Variants in EPHA6 observed in about 807,000 individuals in gnomAD.
EPHA6 encodes ephrin type-A receptor 6.
In EPHA6, 50 loss-of-function variants were observed where a neutral mutation model predicts 112.0. The observed-to-expected ratio is 0.45, with a 90% CI of 0.36 to 0.56. EPHA6 has a LOEUF of 0.56. Ranked by LOEUF, EPHA6 falls within the 20% of genes least tolerant of loss-of-function variation. EPHA6 has a pLI of 0.00. For missense variants in EPHA6, 1,280 were observed against 1,417.4 expected (o/e 0.90, Z 1.56); for synonymous variants, 529 against 490.7 (o/e 1.08, Z -1.03).
chr3:96,878,594 G>A (rs1472529382), intron 2 of EPHA6, among the ~76,000 whole-genome samples: 1 of 151,928 alleles, frequency 6.6e-6, no homozygotes, highest in Non-Finnish European at 1.5e-5. Flanking sequence ...TTGAATATTT[G>A]AATGTAATAT....
chr3:97,720,330 G>A lies in EPHA6; in HGVS notation c.2854G>A (p.Asp952Asn). The A allele has an allele frequency of 2.5e-6, 4 of 1,610,784 alleles. No homozygotes were observed. The highest frequency in any genetic ancestry group is 2.5e-6 in the Non-Finnish European group (3 of 1,178,662). The stretch of plus-strand genomic sequence containing the variant: ...CTACAGAAAATTCTCCTCAGCAAGC[G>A]ATGCATGGAGCTATGGCATTGTCAT... ...IAYRKFSSAS[D>N]AWSYGIVMWE... is the part of the protein sequence containing the mutation. The change falls in exon 15 of 18, where the codon GAT becomes AAT. Residue 952 changes from aspartate (D) to asparagine (N), a missense_variant. Asp to Asn is a conservative substitution (Grantham distance 23). Around this residue, in one of 4 missense-constraint regions of EPHA6, gnomAD observed 37 missense variants for 92.9 expected, o/e 0.40. Coordinates refer to ENST00000389672, the MANE Select transcript of EPHA6 (RefSeq NM_001080448.3).
chr3:97,259,898 T>C (rs1352370114), intron 5 of EPHA6, among the ~76,000 whole-genome samples: 1 of 151,880 alleles, frequency 6.6e-6, no homozygotes, highest in East Asian at 1.9e-4. Flanking sequence ...CCTCCTGGGT[T>C]CAAGCGATTC....
chr3:97,194,277 T>A (rs1034431321), intron 3 of EPHA6, among the ~76,000 whole-genome samples: 3 of 151,736 alleles, frequency 2.0e-5, no homozygotes, highest in Admixed American at 2.0e-4. Context: ...TTCATTTTCA[T>A]TTTTTTTCAA....
chr3:96,940,350 T>C (rs994157761), intron 2 of EPHA6, among the ~76,000 whole-genome samples: 1 of 152,228 alleles, frequency 6.6e-6, no homozygotes, highest in Non-Finnish European at 1.5e-5. Flanking sequence ...TACCATTATG[T>C]AATGGCCTTA....
intron 2 of EPHA6, among the ~76,000 whole-genome samples, chr3:96,983,384 A>T (rs962732655): frequency 1.4e-4 from 21 of 151,980 alleles, no homozygotes; most frequent in African/African-American, 4.8e-4. Context: ...ATTGGCCCCC[A>T]CTCTCTTCTG....
At chr3:96,901,688 G>A (rs1352931990) in intron 2 of EPHA6, among the ~76,000 whole-genome samples, 1 of 152,112 alleles carries the variant, frequency 6.6e-6, no homozygotes, top group Non-Finnish European at 1.5e-5. Flanking sequence ...AGAGGGATGT[G>A]TAACAAAATT....
chr3:97,315,268 T>G (rs2081767720), intron 5 of EPHA6, among the ~76,000 whole-genome samples: 1 of 151,680 alleles, frequency 6.6e-6, no homozygotes, highest in African/African-American at 2.4e-5. Flanking sequence ...TTTTACAGTT[T>G]AAAATTAGGG....
intron 2 of EPHA6, among the ~76,000 whole-genome samples, chr3:96,921,392 A>G (rs1189666493): frequency 3.9e-5 from 6 of 152,130 alleles, no homozygotes; most frequent in Non-Finnish European, 1.5e-5. Context: ...AAACATAAAC[A>G]TTTAAATCAT....
chr3:97,628,176 T>G (rs1372806642), intron 13 of EPHA6, among the ~76,000 whole-genome samples: 2 of 152,024 alleles, frequency 1.3e-5, no homozygotes, highest in Non-Finnish European at 2.9e-5. Context: ...TAAGAGATAA[T>G]GATGCTCTAA....
chr3:97,199,412 A>G (rs1174533265), intron 3 of EPHA6, among the ~76,000 whole-genome samples: 1 of 152,122 alleles, frequency 6.6e-6, no homozygotes, highest in Non-Finnish European at 1.5e-5. Context: ...GCACTGGAGA[A>G]CTACCCCCTA....
chr3:97,555,177 G>A (rs1279443217), intron 11 of EPHA6, among the ~76,000 whole-genome samples: 19 of 151,270 alleles, frequency 1.3e-4, no homozygotes, highest in East Asian at 9.8e-4. Flanking sequence ...GAGAACATGC[G>A]GTGTTTGGTT....
chr3:97,424,389 C>A (rs138089810), intron 6 of EPHA6, among the ~76,000 whole-genome samples: 34 of 152,236 alleles, frequency 2.2e-4, no homozygotes, highest in African/African-American at 7.5e-4. Context: ...ATCAATCATG[C>A]CTTCCCTACA....
At chr3:96,908,343 GC>G (rs1400204157) in intron 2 of EPHA6, among the ~76,000 whole-genome samples, 1 of 151,880 alleles carries the variant, frequency 6.6e-6, no homozygotes, top group Non-Finnish European at 1.5e-5. Context: ...TAGGAATAAA[GC>G]TGAATAACCA....
Position 97,480,960 on chromosome 3 carries a change from C to T in EPHA6, c.2074+1596C>T, listed in dbSNP as rs898399483. Among the ~76,000 whole-genome samples, 6 of 151,804 alleles carry T rather than the reference C, an allele frequency of 4.0e-5. No homozygotes were observed. The East Asian group carries it at 7.8e-4, about 20-fold the overall frequency. ...GCTCCTCACTTCCTAGACGGGATGGCGGCCGGGAAGAGGCGCTCCTCACTT... is the reference window on the plus strand; with the variant it reads ...GCTCCTCACTTCCTAGACGGGATGGTGGCCGGGAAGAGGCGCTCCTCACTT... On this transcript the variant is annotated intron_variant, in intron 9 of 17. Transcript: ENST00000389672.
chr3:97,336,668 A>G (rs1434261447), intron 5 of EPHA6, among the ~76,000 whole-genome samples: 3 of 152,132 alleles, frequency 2.0e-5, no homozygotes, highest in Non-Finnish European at 4.4e-5. Flanking sequence ...TGCTTACGAA[A>G]GTTTTATTTT....
At chr3:97,545,240 G>A (rs1287464555) in intron 11 of EPHA6, among the ~76,000 whole-genome samples, 1 of 151,956 alleles carries the variant, frequency 6.6e-6, no homozygotes, top group Non-Finnish European at 1.5e-5. Context: ...CTTTGAATGT[G>A]TCCCAGAGAT....
At chr3:97,656,751 T>A (rs959466546) in intron 14 of EPHA6, among the ~76,000 whole-genome samples, 1 of 151,848 alleles carries the variant, frequency 6.6e-6, no homozygotes, top group Non-Finnish European at 1.5e-5. Context: ...CCTCAAACTC[T>A]CCCTTGGGCC....
intron 6 of EPHA6, among the ~76,000 whole-genome samples, chr3:97,413,319 C>T (rs1207125923): frequency 6.6e-6 from 1 of 151,742 alleles, no homozygotes; most frequent in Non-Finnish European, 1.5e-5. Context: ...AAAGTACAGC[C>T]ATTGGAGCAT....
intron 7 of EPHA6, among the ~76,000 whole-genome samples, chr3:97,454,639 T>G (rs2090625221): frequency 6.6e-6 from 1 of 151,848 alleles, no homozygotes; most frequent in Non-Finnish European, 1.5e-5. Flanking sequence ...ATTCTAAATT[T>G]GGGGGCACAT....
Sources: allele counts gnomAD v4.1 joint callset (sites outside exome capture counted in the v4.1 genomes callset), GRCh38; gene constraint gnomAD v4.1.1; regional missense constraint gnomAD v4.1.1; transcripts MANE v1.5; gene names NCBI Gene and HGNC (gene_info 2026-07-23, HGNC 2026-07-21).